GYPE: variants seen among roughly 807,000 people sequenced by gnomAD.
The protein encoded by GYPE is glycophorin E (MNS blood group), also known as glycophorin-E.
Under a neutral mutation model 11.6 loss-of-function variants are expected in GYPE, and 8 were observed. The observed-to-expected ratio is 0.69, with a 90% CI of 0.41 to 1.25. The LOEUF (loss-of-function observed/expected upper bound fraction) is 1.25. GYPE is among the 50% of genes most tolerant of loss of function. The pLI is 0.01. For missense variants in GYPE, 90 were observed against 92.8 expected, an observed-to-expected ratio of 0.97 and a Z score of 0.12; for synonymous variants, 28 against 29.6, an observed-to-expected ratio of 0.94 and a Z score of 0.18.
At chr4:143,878,849 C>T (rs1035400597) in intron 2 of GYPE, among the ~76,000 whole-genome samples, 2 of 152,096 alleles carry the variant, frequency 1.3e-5, no homozygotes, top group Non-Finnish European at 2.9e-5. Flanking sequence ...GTCAGTCCTA[C>T]CATTAGTAAT....
chr4:143,870,872 A>G lies in GYPE; in HGVS notation c.*1390T>C, dbSNP rs566413878. Reference sequence around the variant, plus strand: ...AAAACTGCCCAAGACTGTGTAATTTATAAAGGAAAGAGGTTTTATTGATCT... The same window carrying G: ...AAAACTGCCCAAGACTGTGTAATTTGTAAAGGAAAGAGGTTTTATTGATCT... On this transcript the variant is annotated 3_prime_UTR_variant, in exon 4 of 4. Transcript: ENST00000358615. 1 of 151,788 alleles carries G rather than the reference A, an allele frequency of 6.6e-6. No individual in the cohort carries two copies. Among genetic ancestry groups the G allele is most frequent in the African/African-American group, 2.4e-5 (1 of 41,056 alleles). The allele number at this position is 151,788 out of a possible 1,614,324, so 9.4% of individuals were successfully genotyped here. A position where few individuals can be genotyped will look rare whatever the true frequency, so the allele number is the denominator to read the frequency against.
chr4:143,876,388 A>T (rs374059712), intron 3 of GYPE, among the ~76,000 whole-genome samples: 66 of 152,280 alleles, frequency 4.3e-4, no homozygotes, highest in Middle Eastern at 3.4e-3. Flanking sequence ...AGTTTTAAAC[A>T]TATGTAAATA....
chr4:143,898,920 C>G lies in GYPE; in HGVS notation c.37+6551G>C, dbSNP rs551100776. Among the ~76,000 whole-genome samples, 232 of 149,734 alleles carry G rather than the reference C, an allele frequency of 1.5e-3. 1 individual carries two copies. Among genetic ancestry groups the G allele is most frequent in the African/African-American group, 5.5e-3 (224 of 40,670 alleles). On this transcript the variant is annotated intron_variant, in intron 1 of 3. Transcript: ENST00000358615. ...CAATTTCAGTGCCATGATCTCTATT[C>G]TCAGTTGCCTCAAATAGCTGTACTA...
chr4:143,893,931 A>G (rs28827266), intron 1 of GYPE, among the ~76,000 whole-genome samples: 141,256 of 152,194 alleles, frequency 0.93, 66,502 homozygotes, highest in East Asian at 1. Context: ...CATTCTCCCC[A>G]TCACTTTCAG....
At chr4:143,873,255 G>T (rs1036540079) in intron 3 of GYPE, 20 of 304,576 alleles carry the variant, frequency 6.6e-5, no homozygotes, top group African/African-American at 4.1e-4. Context: ...TGCTTTGCTA[G>T]GCCTAGAAAA....
intron 1 of GYPE, 101 bp downstream of exon 1, chr4:143,905,370 T>A: frequency 6.4e-7 from 1 of 1,569,076 alleles, no homozygotes; most frequent in Non-Finnish European, 8.7e-7. Context: ...ACTACTCATT[T>A]ATGCATTTAA....
At chr4:143,901,256 CA>C (rs1744854609) in intron 1 of GYPE, among the ~76,000 whole-genome samples, 1 of 152,040 alleles carries the variant, frequency 6.6e-6, no homozygotes, top group Non-Finnish European at 1.5e-5. Flanking sequence ...ATAAATATCA[CA>C]AATAAATTGT....
rs150748284 is a variant in GYPE, at chr4:143,875,930, C to T, written c.*9+816G>A. On this transcript the variant is annotated intron_variant, in intron 3 of 3. Coordinates refer to ENST00000358615, the MANE Select transcript of GYPE (RefSeq NM_198682.3). ...CAGAGGCTGCAGTGAGCAGAGATTG[C>T]GCCACTTTGCACTCAAGCCTGGGTG... Among the ~76,000 whole-genome samples the T allele has an allele frequency of 5.0e-3, 756 of 151,092 alleles. 9 individuals carry two copies. Among genetic ancestry groups the T allele is most frequent in the Non-Finnish European group, 8.3e-3 (563 of 67,866 alleles).
chr4:143,880,377 GA>G, intron 2 of GYPE, 33 bp downstream of exon 2: 3 of 1,613,580 alleles, frequency 1.9e-6, no homozygotes, highest in Non-Finnish European at 2.5e-6. Context: ...AACGATTTCG[GA>G]GCCACAATTT....
rs73853565 is a variant in GYPE at position 143,878,779 on chromosome 4, T to C, written c.136+1632A>G. 1,806 of 402,772 alleles carry C rather than the reference T, an allele frequency of 4.5e-3. 29 individuals carry two copies. Among genetic ancestry groups the C allele is most frequent in the African/African-American group, 0.035 (1,601 of 46,362 alleles). 24.9% of individuals were successfully genotyped at this position (402,772 alleles called of 1,614,324 possible). A position where few individuals can be genotyped will look rare whatever the true frequency, so the allele number is the denominator to read the frequency against. ...TCTGTGGGTTTCCTTTTCTTAATCATATTTTGAGAGTTGTTGGTCAACTTT... is the reference window on the plus strand; with the variant it reads ...TCTGTGGGTTTCCTTTTCTTAATCACATTTTGAGAGTTGTTGGTCAACTTT... On this transcript the variant is annotated intron_variant, in intron 2 of 3. Coordinates refer to ENST00000358615, the MANE Select transcript of GYPE (RefSeq NM_198682.3).
rs1745026251 is a variant in GYPE at position 143,905,543 on chromosome 4, A to G, written c.-36T>C. The G allele has an allele frequency of 6.2e-7, 1 of 1,612,758 alleles. No homozygotes were observed. Among genetic ancestry groups the G allele is most frequent in the Non-Finnish European group, 8.5e-7 (1 of 1,179,140 alleles). On this transcript the variant is annotated 5_prime_UTR_variant, in exon 1 of 4. Transcript: ENST00000358615. ...CGAGCTGGCTCCTGAAGTTAGTGCA[A>G]AAAAACTACCAAAGACAACTGCAAG...
chr4:143,889,637 G>A (rs2590010), intron 1 of GYPE, among the ~76,000 whole-genome samples: 5 of 152,182 alleles, frequency 3.3e-5, no homozygotes, highest in African/African-American at 1.2e-4. Context: ...GAGCAACTGG[G>A]ACTATAGGTG....
At chr4:143,873,435 T>A in intron 3 of GYPE, 2 of 455,786 alleles carry the variant, frequency 4.4e-6, no homozygotes, top group Non-Finnish European at 8.8e-6. Flanking sequence ...ATTTCCTTTA[T>A]TTGCTTTTGT....
chr4:143,882,561 A>G (rs554737370), intron 1 of GYPE, among the ~76,000 whole-genome samples: 15 of 152,222 alleles, frequency 9.9e-5, no homozygotes, highest in Non-Finnish European at 1.8e-4. Flanking sequence ...AAAAAAATCA[A>G]AAGTGTTAAT....
chr4:143,878,591 A>G (rs1743898119), intron 2 of GYPE: 1 of 460,674 alleles, frequency 2.2e-6, no homozygotes, highest in Non-Finnish European at 4.5e-6. Context: ...AAGCAATGGG[A>G]TAGTTTAAAA....
At position 143,875,510 on chromosome 4, in the gene GYPE, C is replaced by T. The variant is rs929708115; in HGVS notation, c.*9+1236G>A. Reference sequence around the variant, plus strand: ...CAGCATGCAGGCCACATCCTCATGCCTGTGATAAAAAGACAGAAGTTTCCA... The same window carrying T: ...CAGCATGCAGGCCACATCCTCATGCTTGTGATAAAAAGACAGAAGTTTCCA... On this transcript the variant is annotated intron_variant, in intron 3 of 3. Coordinates refer to ENST00000358615, the MANE Select transcript of GYPE (RefSeq NM_198682.3). The T allele has an allele frequency of 3.4e-5, 52 of 1,550,910 alleles. No homozygotes were observed. The African/African-American group carries it at 4.8e-4, about 14-fold the overall frequency.
intron 1 of GYPE, among the ~76,000 whole-genome samples, chr4:143,890,271 T>G (rs1744352587): frequency 6.6e-6 from 1 of 152,166 alleles, no homozygotes; most frequent in Non-Finnish European, 1.5e-5. Flanking sequence ...CCAAGCATAT[T>G]CCAATCTGGT....
chr4:143,891,391 T>C (rs4835372), intron 1 of GYPE, among the ~76,000 whole-genome samples: 139,205 of 143,256 alleles, frequency 0.97, 67,801 homozygotes, highest in East Asian at 1. Flanking sequence ...TGCAGTGGCC[T>C]GATCTCGGCT....
chr4:143,873,228 A>C (rs1743677151), intron 3 of GYPE: 1 of 287,802 alleles, frequency 3.5e-6, no homozygotes, highest in Non-Finnish European at 6.9e-6. Context: ...AGGACATTAA[A>C]ATATACAGCA....
Sources: allele counts gnomAD v4.1 joint callset (sites outside exome capture counted in the v4.1 genomes callset), GRCh38; gene constraint gnomAD v4.1.1; transcripts MANE v1.5; gene names NCBI Gene and HGNC (gene_info 2026-07-23, HGNC 2026-07-21).